Variants in GSTA5 observed in about 807,000 individuals in gnomAD.
The protein encoded by GSTA5 is glutathione S-transferase A5.
GSTA5 carries 25 observed loss-of-function variants against 21.8 expected under a neutral mutation model. The observed-to-expected ratio is 1.14, with a 90% confidence interval of 0.83 to 1.60. The LOEUF is 1.60. Among genes scored for constraint, GSTA5 ranks in the 40% most tolerant of loss-of-function variants. The pLI, the probability that GSTA5 is intolerant of heterozygous loss-of-function variation, is 0.00. For synonymous variants in GSTA5, 102 were observed against 89.5 expected (o/e 1.14, Z -0.78); for missense variants, 330 against 259.2 (o/e 1.27, Z -1.88).
intron 3 of GSTA5, among the ~76,000 whole-genome samples, chr6:52,835,077 C>T (rs1764273529): frequency 1.3e-5 from 2 of 152,192 alleles, no homozygotes; most frequent in South Asian, 4.1e-4. Context: ...GGTGGATTCA[C>T]AGAATTCTGT....
upstream of GSTA5, chr6:52,840,871 G>A (rs910216378): frequency 1.2e-5 from 17 of 1,460,164 alleles, no homozygotes; most frequent in Admixed American, 3.8e-5. Context: ...TAATTGAAAC[G>A]ATAGAATCAA....
chr6:52,837,472 C>T, intron 2 of GSTA5, 86 bp downstream of exon 2: 1 of 827,620 alleles, frequency 1.2e-6, no homozygotes, highest in Non-Finnish European at 2.0e-6. Flanking sequence ...TCACCCCCCA[C>T]ACACATAGGT....
chr6:52,837,469 CCA>C (rs1262009394), intron 2 of GSTA5, 87 bp downstream of exon 2: 1 of 800,676 alleles, frequency 1.2e-6, no homozygotes, highest in Non-Finnish European at 2.1e-6. Flanking sequence ...ATATCACCCC[CCA>C]CACACATAGG....
chr6:52,837,125 A>G (rs1000551504), intron 2 of GSTA5, among the ~76,000 whole-genome samples: 4 of 152,182 alleles, frequency 2.6e-5, no homozygotes, highest in Non-Finnish European at 5.9e-5. Context: ...CAAAGCCTGC[A>G]ATAGTGCCAC....
Position 52,840,719 on chromosome 6 carries a change from G to C in GSTA5, c.87+8C>G. The C allele has an allele frequency of 6.2e-7, 1 of 1,612,924 alleles. No homozygotes were observed. The highest frequency in any genetic ancestry group is 1.1e-5 in the South Asian group (1 of 91,010). ...ATCCAACTTAAGATGACCTTACTCA[G>C]AACCTACCTCTACTCCAGCTGCAGC... On this transcript the variant is annotated splice_region_variant and intron_variant, in intron 1 of 5. Coordinates refer to ENST00000370989, the Ensembl canonical transcript of GSTA5.
At chr6:52,846,154 C>T in the GSTA5 span, 3 of 167,862 alleles carry the variant, frequency 1.8e-5, no homozygotes, top group African/African-American at 4.8e-5. Context: ...TTCCCTCCCA[C>T]TGAAAGGAGA....
chr6:52,839,352 G>C (rs762255822), intron 1 of GSTA5, among the ~76,000 whole-genome samples: 6 of 151,974 alleles, frequency 3.9e-5, no homozygotes, highest in Admixed American at 3.9e-4. Flanking sequence ...CTTCCTACCC[G>C]GGCTCTGAAC....
Position 52,831,840 on chromosome 6 carries a change from C to T in GSTA5, c.*8G>A. 1.2e-6 allele frequency: 2 copies of T among 1,613,886 alleles called. No homozygotes were observed. The highest frequency in any genetic ancestry group is 2.2e-5 in the East Asian group (1 of 44,876). Reference sequence around the variant, plus strand: ...TCTGGCATGTTCTTGGCCTCCATAGCTGCTTTATTAAAACCTGAAAATCTT... The same window carrying T: ...TCTGGCATGTTCTTGGCCTCCATAGTTGCTTTATTAAAACCTGAAAATCTT... On this transcript the variant is annotated 3_prime_UTR_variant, in exon 6 of 6. Transcript: ENST00000370989.
chr6:52,838,248 TG>T (rs1764320076), intron 1 of GSTA5, among the ~76,000 whole-genome samples: 2 of 152,206 alleles, frequency 1.3e-5, no homozygotes, highest in African/African-American at 4.8e-5. Flanking sequence ...GTTTCTGATG[TG>T]GTTTTGTGGG....
chr6:52,840,784 G>A (rs753607731), exon 1 of GSTA5: 1 of 1,614,084 alleles, frequency 6.2e-7, no homozygotes, highest in Non-Finnish European at 8.5e-7. Context: ...CCCGTGCATT[G>A]GAGTAGTGGA....
At chr6:52,836,480 T>A in intron 2 of GSTA5, 112 bp from the exon 3 acceptor site, 1 of 1,120,282 alleles carries the variant, frequency 8.9e-7, no homozygotes, top group Non-Finnish European at 1.3e-6. Flanking sequence ...AAGAAATTAT[T>A]GCCTGTTAAG....
At chr6:52,837,177 A>G (rs1194534468) in intron 2 of GSTA5, among the ~76,000 whole-genome samples, 2 of 152,206 alleles carry the variant, frequency 1.3e-5, no homozygotes, top group Non-Finnish European at 2.9e-5. Context: ...AAAAACCTCA[A>G]GGCAATGGCC....
At chr6:52,834,427 T>C (rs1321090131) in intron 3 of GSTA5, 145 bp from the exon 4 acceptor site, 15 of 706,054 alleles carry the variant, frequency 2.1e-5, no homozygotes, top group Non-Finnish European at 3.5e-5. Context: ...CATTATGCTC[T>C]GAGTTTTACA....
chr6:52,839,810 A>C (rs1764346865), intron 1 of GSTA5, among the ~76,000 whole-genome samples: 4 of 152,174 alleles, frequency 2.6e-5, no homozygotes. Flanking sequence ...TTTCCTACTC[A>C]AACACTGGGA....
rs775601095 is a variant in GSTA5 at position 52,832,856 on chromosome 6, C to T, written c.546+3G>A. The T allele has an allele frequency of 1.8e-5, 29 of 1,613,700 alleles. No individual in the cohort carries two copies. Among genetic ancestry groups the T allele is most frequent in the Non-Finnish European group, 2.4e-5 (28 of 1,179,882 alleles). On this transcript the variant is annotated splice_donor_region_variant and intron_variant, in intron 5 of 5. Coordinates refer to ENST00000370989, the Ensembl canonical transcript of GSTA5. ...TGTCTCTCTGGGCTGTGAAATGGGT[C>T]ACCTTCAGCAGAGGGAAGCTGGAGA...
intron 3 of GSTA5, among the ~76,000 whole-genome samples, chr6:52,834,700 T>C (rs1465125725): frequency 6.6e-6 from 1 of 152,230 alleles, no homozygotes; most frequent in Non-Finnish European, 1.5e-5. Context: ...AGCTGCCCTC[T>C]AAGTAATCCT....
chr6:52,836,206 G>A (rs368469857), intron 3 of GSTA5, 30 bp downstream of exon 3: 2 of 1,609,438 alleles, frequency 1.2e-6, no homozygotes, highest in Non-Finnish European at 1.7e-6. Context: ...TGTGTTCTCT[G>A]TGGATGGAAG....
At chr6:52,831,705 G>C (rs781344824) in exon 6 of GSTA5, 9 of 982,598 alleles carry the variant, frequency 9.2e-6, no homozygotes, top group African/African-American at 1.7e-5. Context: ...ACAGATAAGA[G>C]TTATTTATTA....
chr6:52,840,634 C>T, intron 1 of GSTA5, 93 bp downstream of exon 1: 2 of 1,131,806 alleles, frequency 1.8e-6, no homozygotes, highest in East Asian at 2.4e-5. Context: ...AGGCACAATG[C>T]TTCAGTAAGT....
Sources: gnomAD v4.1 joint callset for allele counts (sites outside exome capture counted in the v4.1 genomes callset) on GRCh38, gnomAD v4.1.1 for gene constraint, MANE v1.5 for transcripts, NCBI Gene and HGNC (gene_info 2026-07-23, HGNC 2026-07-21) for gene names.